INTS7: variants seen among roughly 807,000 people sequenced by gnomAD.
INTS7 encodes integrator complex subunit 7.
In INTS7, 46 loss-of-function variants were observed where a neutral mutation model predicts 109.2. The ratio of observed to expected loss-of-function variants is 0.42; its 90% CI spans 0.33 to 0.54. The LOEUF is 0.54. INTS7 is among the 20% of genes least tolerant of loss of function. The pLI, the probability that INTS7 is intolerant of heterozygous loss-of-function variation, is 0.07. For synonymous variants in INTS7, 412 were observed against 402.9 expected (o/e 1.02, Z -0.27); for missense variants, 929 against 1,132.4 (o/e 0.82, Z 2.58).
chr1:212,023,600 G>A (rs1442729865), intron 1 of INTS7, among the ~76,000 whole-genome samples: 1 of 151,872 alleles, frequency 6.6e-6, no homozygotes, highest in Non-Finnish European at 1.5e-5. Context: ...GGGTTATTTG[G>A]TTTTTGCTTG....
At chr1:211,997,370 T>G (rs928935979) in intron 7 of INTS7, among the ~76,000 whole-genome samples, 1 of 150,868 alleles carries the variant, frequency 6.6e-6, no homozygotes, top group Non-Finnish European at 1.5e-5. Flanking sequence ...TGTGGCAAAA[T>G]ACCAGCAATA....
At position 212,032,612 on chromosome 1, in the gene INTS7, AACT is replaced by A. The variant is rs1310217183; in HGVS notation, c.94+2729_94+2731del. Among the ~76,000 whole-genome samples the A allele has an allele frequency of 5.9e-5, 9 of 151,888 alleles. 1 individual carries two copies. Among genetic ancestry groups the A allele is most frequent in the Admixed American group, 3.3e-4 (5 of 15,254 alleles). On this transcript the variant is annotated intron_variant, in intron 1 of 19. Coordinates refer to ENST00000366994, the MANE Select transcript of INTS7 (RefSeq NM_015434.4). ...CTGCCTCAGCCTCCCAAGTAGCTGG[AACT>A]ACAGGTGCCCACCACCACGCCTGGC... is the stretch of plus-strand genomic sequence containing the variant.
intron 16 of INTS7, 109 bp from the exon 17 acceptor site, chr1:211,952,810 A>G (rs898986913): frequency 3.8e-6 from 4 of 1,053,486 alleles, no homozygotes; most frequent in Non-Finnish European, 5.5e-6. Context: ...AAAATAATGA[A>G]GTTATTTCCA....
At chr1:212,021,952 G>A (rs1420201557) in intron 1 of INTS7, among the ~76,000 whole-genome samples, 8 of 152,148 alleles carry the variant, frequency 5.3e-5, no homozygotes, top group Admixed American at 3.3e-4. Context: ...TCTATGGGAT[G>A]CAACTAGAGT....
chr1:212,020,397 TA>T, intron 2 of INTS7, 129 bp from the exon 3 acceptor site: 3 of 640,458 alleles, frequency 4.7e-6, no homozygotes, highest in Non-Finnish European at 7.8e-6. Context: ...TTTGTTTAAC[TA>T]CTAAAAGAGT....
chr1:211,982,580 C>T (rs1164789323), intron 9 of INTS7, 96 bp downstream of exon 9: 2 of 919,764 alleles, frequency 2.2e-6, no homozygotes, highest in South Asian at 2.3e-5. Flanking sequence ...TCAAGGCACA[C>T]AGGCTAAAAA....
At chr1:211,971,216 G>A (rs193151362) in intron 13 of INTS7, among the ~76,000 whole-genome samples, 1 of 152,280 alleles carries the variant, frequency 6.6e-6, no homozygotes, top group Admixed American at 6.5e-5. Context: ...CTGGGCAAGT[G>A]GTGATAGCCA....
intron 13 of INTS7, among the ~76,000 whole-genome samples, chr1:211,972,972 CT>C (rs896505532): frequency 3.9e-5 from 6 of 152,002 alleles, no homozygotes; most frequent in African/African-American, 9.7e-5. Context: ...TGCTACTTCT[CT>C]TTTTTTTGAG....
chr1:212,003,960 A>T (rs1665792068), intron 7 of INTS7, among the ~76,000 whole-genome samples: 1 of 152,214 alleles, frequency 6.6e-6, no homozygotes, highest in South Asian at 2.1e-4. Flanking sequence ...AAAATGGTAG[A>T]TTTAAACTCA....
rs1242282237 is a variant in INTS7, at chr1:211,982,795, G to A, written c.1013C>T (p.Ser338Phe). 6.2e-7 allele frequency: 1 copy of A among 1,605,462 alleles called. No homozygotes were observed. The highest frequency in any genetic ancestry group is 1.7e-5 in the Admixed American group (1 of 58,760). The change falls in exon 9 of 20, where the codon TCT becomes TTT. Residue 338 changes from serine to phenylalanine, a missense_variant. Transcript: ENST00000366994. ...FSIVPGNVSS[S>F]PRSSDLVKLA... ...TTTGACTAAATCAGAAGATCTGGGA[G>A]AAGAACTCACATTTCCTAAAAAAGC...
At chr1:211,992,016 T>C (rs751018729) in intron 7 of INTS7, among the ~76,000 whole-genome samples, 20 of 152,214 alleles carry the variant, frequency 1.3e-4, no homozygotes, top group Non-Finnish European at 2.4e-4. Flanking sequence ...AAAGCAGATA[T>C]AGATGCTGTT....
chr1:211,940,654 G>A lies in INTS7; in HGVS notation c.*1170C>T, dbSNP rs901884284. 3 of 152,076 alleles carry A rather than the reference G, an allele frequency of 2.0e-5. No individual in the cohort carries two copies. Among genetic ancestry groups the A allele is most frequent in the Non-Finnish European group, 4.4e-5 (3 of 68,004 alleles). 9.4% of individuals were successfully genotyped at this position (152,076 alleles called of 1,614,324 possible). On this transcript the variant is annotated 3_prime_UTR_variant, in exon 20 of 20. Coordinates refer to ENST00000366994, the MANE Select transcript of INTS7 (RefSeq NM_015434.4). ...AACCAGAATTAAAATAGGAAAAAAG[G>A]GGGTTTTCTGGCTAACCAGAAAACT...
chr1:211,961,935 C>T (rs1388841632), intron 16 of INTS7, among the ~76,000 whole-genome samples: 1 of 152,140 alleles, frequency 6.6e-6, no homozygotes, highest in Non-Finnish European at 1.5e-5. Flanking sequence ...TACTTAAGTA[C>T]ACAGACCAGT....
intron 8 of INTS7, among the ~76,000 whole-genome samples, chr1:211,986,566 C>T (rs1260994133): frequency 6.6e-6 from 1 of 152,212 alleles, no homozygotes; most frequent in Non-Finnish European, 1.5e-5. Context: ...AGTGAGGACA[C>T]AGCAGCCATT....
chr1:212,017,170 T>G (rs927194854), intron 3 of INTS7, 147 bp from the exon 4 acceptor site: 15 of 570,060 alleles, frequency 2.6e-5, no homozygotes, highest in Non-Finnish European at 4.1e-5. Context: ...ACTTTAGAAA[T>G]CCATGACTCA....
rs576331833 is a variant in INTS7 at position 211,954,964 on chromosome 1, T to C, written c.2184-2263A>G. On this transcript the variant is annotated intron_variant, in intron 16 of 19. Coordinates refer to ENST00000366994, the MANE Select transcript of INTS7 (RefSeq NM_015434.4). ...CATTGGTAGCTTGATGGGGATGGCA[T>C]TGAATCTATAAATTACCTTGGGTAG... Among the ~76,000 whole-genome samples the C allele has an allele frequency of 1.1e-4, 16 of 152,344 alleles. No individual in the cohort carries two copies. The East Asian group carries it at 1.7e-3, about 17-fold the overall frequency.
intron 11 of INTS7, among the ~76,000 whole-genome samples, chr1:211,977,689 C>G (rs1009786814): frequency 6.6e-6 from 1 of 152,212 alleles, no homozygotes; most frequent in Admixed American, 6.5e-5. Flanking sequence ...GTAGCCTACT[C>G]TCAGTCCTGC....
chr1:212,002,049 C>T (rs1175660800), intron 7 of INTS7, among the ~76,000 whole-genome samples: 1 of 152,208 alleles, frequency 6.6e-6, no homozygotes, highest in Non-Finnish European at 1.5e-5. Flanking sequence ...AGTTTATATA[C>T]TCAGAAGTAA....
intron 1 of INTS7, among the ~76,000 whole-genome samples, chr1:212,034,400 A>G (rs1364557689): frequency 6.6e-6 from 1 of 152,202 alleles, no homozygotes; most frequent in Non-Finnish European, 1.5e-5. Context: ...CAACTCAGAA[A>G]ACTGGGAAGT....
Sources: allele counts gnomAD v4.1 joint callset (sites outside exome capture counted in the v4.1 genomes callset), GRCh38; gene constraint gnomAD v4.1.1; transcripts MANE v1.5; gene names NCBI Gene and HGNC (gene_info 2026-07-23, HGNC 2026-07-21).